Variants in GLMN observed in about 807,000 individuals in gnomAD.
GLMN encodes the protein glomulin.
Under a neutral mutation model 87.8 loss-of-function variants are expected in GLMN, and 75 were observed. The ratio of observed to expected loss-of-function variants is 0.85; its 90% CI spans 0.71 to 1.04. GLMN has a LOEUF of 1.04. Ranked by LOEUF, GLMN falls within the 50% of genes least tolerant of loss-of-function variation. The pLI is 0.00. For synonymous variants in GLMN, 206 were observed against 221.6 expected (o/e 0.93, Z 0.63); for missense variants, 588 against 658.8 (o/e 0.89, Z 1.18).
At chr1:92,361,077 C>CATAT in the GLMN span, among the ~76,000 whole-genome samples, 5 of 142,626 alleles carry the variant, frequency 3.5e-5, no homozygotes, top group Admixed American at 7.4e-5. Context: ...AAGCAAAAAG[C>CATAT]ATATATATAT....
the GLMN span, chr1:92,333,223 C>G: frequency 1.7e-6 from 1 of 575,772 alleles, no homozygotes; most frequent in Non-Finnish European, 3.1e-6. Flanking sequence ...TTCACAACAG[C>G]CTAACAACTG....
chr1:92,264,423 A>G, intron 14 of GLMN, 131 bp downstream of exon 14: 1 of 608,224 alleles, frequency 1.6e-6, no homozygotes, highest in Non-Finnish European at 2.9e-6. Flanking sequence ...AGGGGAAAAA[A>G]TATGCCTTAA....
In GLMN at chr1:92,247,109, C is replaced by G. The variant is rs1341936293; in HGVS notation, c.1621G>C (p.Val541Leu). Residue 541 changes from valine (V) to leucine (L), a missense_variant, in exon 18 of 19, where the codon GTA becomes CTA. By Grantham distance (32) the Val-to-Leu change is conservative. Transcript: ENST00000370360. ...QKSKDLCSITVSGEEIPNMPP... is the reference protein window; with the variant it reads ...QKSKDLCSITLSGEEIPNMPP... ...ATATTAGGGATCTCTTCTCCACTTA[C>G]AGTTATAGAACAAAGATCTTTAGAT... The G allele has an allele frequency of 1.9e-6, 3 of 1,575,616 alleles. No individual in the cohort carries two copies. The highest frequency in any genetic ancestry group is 2.2e-5 in the South Asian group (2 of 90,274).
In GLMN at chr1:92,290,073, G is replaced by A. The variant is rs188521399; in HGVS notation, c.394+125C>T. 1.3e-4 allele frequency: 93 copies of A among 700,850 alleles called. No homozygotes were observed. In the East Asian group the frequency reaches 2.3e-3, roughly 18 times the overall value. 43.4% of individuals were successfully genotyped at this position (700,850 alleles called of 1,614,324 possible). A position where few individuals can be genotyped will look rare whatever the true frequency, so the allele number is the denominator to read the frequency against. On this transcript the variant is annotated intron_variant, in intron 5 of 18. Coordinates refer to ENST00000370360, the MANE Select transcript of GLMN (RefSeq NM_053274.3). ...ATTCACATTGGCATTGCTATTATTG[G>A]TTTAAGCAGAGTACTCACTAATTAG...
intron 16 of GLMN, among the ~76,000 whole-genome samples, chr1:92,256,176 TACAC>T (rs1382816171): frequency 6.6e-6 from 1 of 151,882 alleles, no homozygotes; most frequent in Non-Finnish European, 1.5e-5. Flanking sequence ...TTCCTGGACA[TACAC>T]ACCCTCCCAA....
chr1:92,365,257 A>T, the GLMN span, among the ~76,000 whole-genome samples: 1 of 152,144 alleles, frequency 6.6e-6, no homozygotes, highest in Non-Finnish European at 1.5e-5. Context: ...TTACTATCCG[A>T]TTTCTTCCAA....
At chr1:92,361,547 A>G in the GLMN span, among the ~76,000 whole-genome samples, 13 of 152,218 alleles carry the variant, frequency 8.5e-5, no homozygotes, top group African/African-American at 2.9e-4. Context: ...AAAGACTTTC[A>G]TTATAGAGAT....
rs147328990 is a variant in GLMN, at chr1:92,250,945, T to G, written c.1474-2956A>C. Among the ~76,000 whole-genome samples, 28 of 152,320 alleles carry G rather than the reference T, an allele frequency of 1.8e-4. 1 individual carries two copies. In the East Asian group the frequency reaches 5.2e-3, roughly 28 times the overall value. Reference sequence around the variant, plus strand: ...TGTAACCACTGCTGCTGTAAAGATATTCCCATGACCCAGAAATTTCTTTGT... The same window carrying G: ...TGTAACCACTGCTGCTGTAAAGATAGTCCCATGACCCAGAAATTTCTTTGT... On this transcript the variant is annotated intron_variant, in intron 16 of 18. Transcript: ENST00000370360.
intron 7 of GLMN, among the ~76,000 whole-genome samples, chr1:92,279,540 C>T (rs1367444033): frequency 2.6e-5 from 4 of 151,346 alleles, no homozygotes; most frequent in East Asian, 1.9e-4. Context: ...GCGAGATCGA[C>T]GCAGAAGACC....
chr1:92,358,513 A>G, the GLMN span, among the ~76,000 whole-genome samples: 3 of 152,128 alleles, frequency 2.0e-5, no homozygotes, highest in African/African-American at 7.2e-5. Context: ...TTTCAGTTTT[A>G]TATTTAATTG....
intron 8 of GLMN, among the ~76,000 whole-genome samples, 176 bp downstream of exon 8, chr1:92,271,289 C>T (rs1656208117): frequency 6.6e-6 from 1 of 152,162 alleles, no homozygotes. Context: ...ACTTTCATTA[C>T]TTGTCTACTG....
chr1:92,347,928 G>A, the GLMN span, among the ~76,000 whole-genome samples: 5 of 149,518 alleles, frequency 3.3e-5, no homozygotes, highest in Non-Finnish European at 7.4e-5. Flanking sequence ...TTTTTTCTTT[G>A]AGATGGAGTC....
In GLMN at chr1:92,267,937, GA is replaced by G. The variant is rs774710697; in HGVS notation, c.1073del (p.Ile358ThrfsTer11). On this transcript the variant is annotated frameshift_variant, in exon 11 of 19. Transcript: ENST00000370360. LOFTEE classifies it high-confidence loss of function. The stretch of plus-strand genomic sequence containing the variant: ...CCTGAGGTACAGTAAGAAAACTCTT[GA>G]TTTCTAAGTACTGGTAAAGTAGACT... ...DNSLLYQYLE[I>X]KSFLTVPQGL... 13 of 1,511,352 alleles carry G rather than the reference GA, an allele frequency of 8.6e-6. No individual in the cohort carries two copies. The South Asian group carries it at 1.5e-4, about 17-fold the overall frequency. The allele number at this position is 1,511,352 out of a possible 1,614,324, so 93.6% of individuals were successfully genotyped here.
At chr1:92,282,247 A>G (rs1648148053) in intron 7 of GLMN, among the ~76,000 whole-genome samples, 1 of 152,236 alleles carries the variant, frequency 6.6e-6, no homozygotes, top group African/African-American at 2.4e-5. Context: ...CAGCAAATGT[A>G]AAAGAACAGA....
intron 3 of GLMN, among the ~76,000 whole-genome samples, chr1:92,293,741 T>G (rs904918842): frequency 6.6e-6 from 1 of 152,056 alleles, no homozygotes; most frequent in African/African-American, 2.4e-5. Context: ...ATAAAGAAAA[T>G]GTGGTACACA....
At chr1:92,280,411 T>C (rs1372902095) in intron 7 of GLMN, among the ~76,000 whole-genome samples, 1 of 152,060 alleles carries the variant, frequency 6.6e-6, no homozygotes, top group Non-Finnish European at 1.5e-5. Flanking sequence ...CAGAAAGGAA[T>C]AGCATCAACA....
the GLMN span, among the ~76,000 whole-genome samples, chr1:92,369,263 A>G: frequency 2.5e-3 from 377 of 152,248 alleles, 4 homozygotes; most frequent in African/African-American, 8.5e-3. Context: ...TGGGCCCACC[A>G]TGTTATTATG....
chr1:92,307,047 A>G, the GLMN span: 1 of 618,550 alleles, frequency 1.6e-6, no homozygotes. Context: ...AAGGTTCAGT[A>G]TCTTATTTCT....
At chr1:92,288,739 T>A (rs552626668) in intron 6 of GLMN, among the ~76,000 whole-genome samples, 175 bp downstream of exon 6, 1 of 152,306 alleles carries the variant, frequency 6.6e-6, no homozygotes, top group South Asian at 2.1e-4. Flanking sequence ...TATAATTTTT[T>A]AAAATATAAA....
Sources: gnomAD v4.1 joint callset for allele counts (sites outside exome capture counted in the v4.1 genomes callset) on GRCh38, gnomAD v4.1.1 for gene constraint, MANE v1.5 for transcripts, NCBI Gene and HGNC (gene_info 2026-07-23, HGNC 2026-07-21) for gene names.